The following TCF4 variants were observed in gnomAD, a reference collection of about 807,000 sequenced individuals.
TCF4 encodes transcription factor 4.
In TCF4, 3 loss-of-function variants were observed where a neutral mutation model predicts 82.1. That is an observed-to-expected ratio of 0.04 (90% CI 0.02 to 0.09). The LOEUF is 0.09. Among genes scored for constraint, TCF4 ranks in the 10% least tolerant of loss-of-function variants. The pLI is 1.00. For synonymous variants in TCF4, 276 were observed against 309.6 expected, an observed-to-expected ratio of 0.89 and a Z score of 1.14; for missense variants, 518 against 852.7, an observed-to-expected ratio of 0.61 and a Z score of 4.89.
intron 8 of TCF4, among the ~76,000 whole-genome samples, chr18:55,318,171 G>A (rs536518406): frequency 3.3e-5 from 5 of 152,052 alleles, no homozygotes; most frequent in South Asian, 2.1e-4. Context: ...TTTTATCTTC[G>A]TGGATATGCT....
At chr18:55,566,744 A>C (rs2097411239) in intron 3 of TCF4, among the ~76,000 whole-genome samples, 2 of 152,224 alleles carry the variant, frequency 1.3e-5, no homozygotes, top group South Asian at 2.1e-4. Flanking sequence ...AATGAAGGAC[A>C]GAAAAGAAGG....
At chr18:55,340,111 C>G (rs1056676576) in intron 8 of TCF4, among the ~76,000 whole-genome samples, 1 of 152,156 alleles carries the variant, frequency 6.6e-6, no homozygotes, top group Non-Finnish European at 1.5e-5. Flanking sequence ...ATCACTTGGG[C>G]AGACCCGTTC....
intron 14 of TCF4, among the ~76,000 whole-genome samples, chr18:55,257,049 T>C (rs1267005657): frequency 6.6e-6 from 1 of 152,016 alleles, no homozygotes; most frequent in East Asian, 1.9e-4. Context: ...TTCCTAGAGA[T>C]GGGGAGAAGG....
At chr18:55,441,353 C>T (rs1316320202) in intron 5 of TCF4, among the ~76,000 whole-genome samples, 3 of 152,154 alleles carry the variant, frequency 2.0e-5, no homozygotes, top group Non-Finnish European at 4.4e-5. Context: ...TGTAAGTTTC[C>T]ATTTGTACAT....
intron 3 of TCF4, among the ~76,000 whole-genome samples, chr18:55,547,622 G>A (rs2097218015): frequency 1.3e-5 from 2 of 152,116 alleles, no homozygotes. Context: ...TCCTAATAAA[G>A]CCTTGTCTAT....
chr18:55,395,412 C>T (rs532648619), intron 6 of TCF4, among the ~76,000 whole-genome samples: 1 of 152,212 alleles, frequency 6.6e-6, no homozygotes, highest in Admixed American at 6.5e-5. Flanking sequence ...GAAGTTAATC[C>T]CATGATTCTG....
intron 3 of TCF4, among the ~76,000 whole-genome samples, chr18:55,536,979 A>G (rs2097122147): frequency 6.6e-6 from 1 of 151,464 alleles, no homozygotes; most frequent in Admixed American, 6.6e-5. Context: ...CTAAAAATAC[A>G]GAAAATTAGC....
At chr18:55,381,298 A>T (rs149344987) in intron 6 of TCF4, among the ~76,000 whole-genome samples, 3,327 of 152,328 alleles carry the variant, frequency 0.022, 77 homozygotes, top group Non-Finnish European at 0.028. Context: ...AGAAAAAGCT[A>T]AATCCAGATT....
chr18:55,313,805 G>T (rs951843205), intron 8 of TCF4, among the ~76,000 whole-genome samples: 6 of 151,998 alleles, frequency 3.9e-5, no homozygotes, highest in Non-Finnish European at 2.9e-5. Context: ...CCAAAGCCTT[G>T]GTAATGTTAC....
At chr18:55,571,918 TG>T (rs1340399976) in intron 3 of TCF4, among the ~76,000 whole-genome samples, 1 of 151,198 alleles carries the variant, frequency 6.6e-6, no homozygotes, top group Non-Finnish European at 1.5e-5. Flanking sequence ...AAACTCTCTG[TG>T]TCCCTCCCAA....
intron 5 of TCF4, among the ~76,000 whole-genome samples, chr18:55,446,868 C>A (rs1416709822): frequency 6.6e-6 from 1 of 151,816 alleles, no homozygotes; most frequent in Non-Finnish European, 1.5e-5. Context: ...TGCCTGTAGT[C>A]CCAGATACTC....
At chr18:55,422,491 A>T (rs1483497438) in intron 5 of TCF4, 22 of 971,434 alleles carry the variant, frequency 2.3e-5, no homozygotes, top group Non-Finnish European at 2.6e-5. Context: ...GTACTTTCCT[A>T]TTATTAAAAA....
chr18:55,223,451 G>T lies in TCF4; in HGVS notation c.*4584C>A, dbSNP rs909114965. Reference sequence around the variant, plus strand: ...TGAAATGAAACAAGTGTCAGAAACAGTTTATAAAAATGGCACATTTATTGC... The same window carrying T: ...TGAAATGAAACAAGTGTCAGAAACATTTTATAAAAATGGCACATTTATTGC... On this transcript the variant is annotated 3_prime_UTR_variant, in exon 20 of 20. Coordinates refer to ENST00000354452, the MANE Select transcript of TCF4 (RefSeq NM_001083962.2). 5.2e-5 allele frequency: 8 copies of T among 152,552 alleles called. No homozygotes were observed. Among genetic ancestry groups the T allele is most frequent in the Non-Finnish European group, 1.0e-4 (7 of 68,030 alleles). 9.4% of individuals were successfully genotyped at this position (152,552 alleles called of 1,614,324 possible). A position where few individuals can be genotyped will look rare whatever the true frequency, so the allele number is the denominator to read the frequency against.
At chr18:55,256,900 G>A (rs916408903) in intron 14 of TCF4, among the ~76,000 whole-genome samples, 1 of 152,150 alleles carries the variant, frequency 6.6e-6, no homozygotes, top group African/African-American at 2.4e-5. Context: ...GGGTTTCTAC[G>A]AGAAGGAAAG....
chr18:55,484,118 T>G (rs1246012790), intron 3 of TCF4, among the ~76,000 whole-genome samples: 2 of 152,222 alleles, frequency 1.3e-5, no homozygotes, highest in East Asian at 3.9e-4. Context: ...TTTTCTTATG[T>G]TATGAGAGAG....
At chr18:55,362,434 G>GAAAAAAAAAAAA (rs1168719900) in intron 6 of TCF4, among the ~76,000 whole-genome samples, 1 of 118,112 alleles carries the variant, frequency 8.5e-6, no homozygotes, top group African/African-American at 3.4e-5. Flanking sequence ...AGGAAGGAAG[G>GAAAAAAAAAAAA]AAAAAAAAAA....
At chr18:55,298,211 G>A (rs1441595423) in intron 8 of TCF4, among the ~76,000 whole-genome samples, 2 of 152,180 alleles carry the variant, frequency 1.3e-5, no homozygotes, top group Non-Finnish European at 2.9e-5. Context: ...TTTGTCCTCT[G>A]TGAGGGTAGC....
chr18:55,632,256 T>A (rs2097732315), intron 1 of TCF4, among the ~76,000 whole-genome samples: 1 of 152,162 alleles, frequency 6.6e-6, no homozygotes, highest in Admixed American at 6.5e-5. Context: ...GCCAGGACGG[T>A]CTCCATCTCC....
chr18:55,313,754 T>C lies in TCF4; in HGVS notation c.550-34098A>G, dbSNP rs1014218364. Among the ~76,000 whole-genome samples the C allele has an allele frequency of 2.6e-5, 4 of 152,242 alleles. No homozygotes were observed. The East Asian group carries it at 5.8e-4, about 22-fold the overall frequency. ...CTGAGAAATGATATTGCATGATTAA[T>C]ACAAGGAAGAACTCAACCAGAAGAA... On this transcript the variant is annotated intron_variant, in intron 8 of 19. Coordinates refer to ENST00000354452, the MANE Select transcript of TCF4 (RefSeq NM_001083962.2).
Sources: allele counts gnomAD v4.1 joint callset (sites outside exome capture counted in the v4.1 genomes callset), GRCh38; gene constraint gnomAD v4.1.1; transcripts MANE v1.5; gene names NCBI Gene and HGNC (gene_info 2026-07-23, HGNC 2026-07-21).